The following ITPR2 variants were observed in gnomAD, a reference collection of about 807,000 sequenced individuals.
The protein encoded by ITPR2 is inositol 1,4,5-trisphosphate-gated calcium channel ITPR2.
Under a neutral mutation model 317.1 loss-of-function variants are expected in ITPR2, and 207 were observed. That is an observed-to-expected ratio of 0.65 (90% CI 0.58 to 0.73). ITPR2 has a LOEUF of 0.73. ITPR2 is among the 30% of genes least tolerant of loss of function. The probability of loss-of-function intolerance (pLI) is 0.00; values close to 1 mark genes in which losing one functional copy is unlikely to be tolerated. For synonymous variants in ITPR2, 1,156 were observed against 1,149.1 expected (o/e 1.01, Z -0.12); for missense variants, 2,613 against 3,284.0 (o/e 0.80, Z 4.99).
In ITPR2 at chr12:26,831,798, TA is replaced by T. The variant is rs1951111345; in HGVS notation, c.92+891del. On this transcript the variant is annotated intron_variant, in intron 1 of 56. Coordinates refer to ENST00000381340, the MANE Select transcript of ITPR2 (RefSeq NM_002223.4). This position sits in a 1 kb window ranked among gnomAD's most constrained non-coding sequence, Gnocchi z 4.9. ...CTACATAAAATATATAAATATATAT[TA>T]TACATAAAATATATAAATATATATT... Among the ~76,000 whole-genome samples, 1 of 126,198 alleles carries T rather than the reference TA, an allele frequency of 7.9e-6. No homozygotes were observed. Among genetic ancestry groups the T allele is most frequent in the Non-Finnish European group, 1.6e-5 (1 of 61,048 alleles). The allele number at this position is 126,198 out of a possible 152,430, so 82.8% of individuals were successfully genotyped here. A position where few individuals can be genotyped will look rare whatever the true frequency, so the allele number is the denominator to read the frequency against.
chr12:26,584,385 C>T (rs143987805), intron 32 of ITPR2, among the ~76,000 whole-genome samples: 195 of 152,280 alleles, frequency 1.3e-3, no homozygotes, highest in African/African-American at 4.4e-3. Context: ...CACCACTGGA[C>T]ATGCAGCACC....
intron 1 of ITPR2, among the ~76,000 whole-genome samples, chr12:26,817,159 C>T (rs956728308): frequency 3.3e-4 from 39 of 118,948 alleles, no homozygotes; most frequent in African/African-American, 1.1e-3. Flanking sequence ...CCAGCCTGGG[C>T]GACAGACCGA....
chr12:26,717,020 C>T (rs997060146), intron 5 of ITPR2, among the ~76,000 whole-genome samples: 1 of 152,020 alleles, frequency 6.6e-6, no homozygotes, highest in South Asian at 2.1e-4. Context: ...CAAAGTTATC[C>T]TTTCTTCATG....
chr12:26,703,479 C>T (rs1482389093), intron 9 of ITPR2, among the ~76,000 whole-genome samples: 3 of 152,140 alleles, frequency 2.0e-5, no homozygotes, highest in Non-Finnish European at 2.9e-5. Context: ...GTATCTTGAA[C>T]CCGATAATTC....
At chr12:26,443,415 T>C (rs3759117) in intron 46 of ITPR2, 128 bp downstream of exon 46, 415,238 of 581,670 alleles carry the variant, frequency 0.71, 153,473 homozygotes, top group Non-Finnish European at 0.79. Flanking sequence ...CCTTTTACTA[T>C]ACATTTTTCA....
chr12:26,674,473 T>C (rs931538523), intron 13 of ITPR2, among the ~76,000 whole-genome samples: 7 of 152,216 alleles, frequency 4.6e-5, no homozygotes, highest in African/African-American at 2.4e-5. Context: ...TAAATGGTGC[T>C]GGGAAAACTG....
intron 9 of ITPR2, among the ~76,000 whole-genome samples, chr12:26,699,658 A>C (rs897861393): frequency 2.0e-5 from 3 of 152,166 alleles, no homozygotes; most frequent in African/African-American, 7.2e-5. Context: ...ATGTGGAAGA[A>C]AAGGAAGAGG....
At chr12:26,822,687 G>A (rs76634725) in intron 1 of ITPR2, among the ~76,000 whole-genome samples, 177 of 152,210 alleles carry the variant, frequency 1.2e-3, no homozygotes, top group African/African-American at 4.0e-3. Flanking sequence ...TGGGTACTTC[G>A]CATAAATTTC....
chr12:26,484,641 C>A (rs1392385003), intron 41 of ITPR2, among the ~76,000 whole-genome samples: 1 of 152,016 alleles, frequency 6.6e-6, no homozygotes, highest in East Asian at 1.9e-4. Flanking sequence ...ATAAACATAA[C>A]CTGGCAATAA....
chr12:26,697,373 T>C lies in ITPR2; in HGVS notation c.952-1723A>G, dbSNP rs116361715. The stretch of plus-strand genomic sequence containing the variant: ...GAGTTAGAACAAGGGAGATTCCTTC[T>C]CAGAGTCTTTCTCAACATTTCCTAT... On this transcript the variant is annotated intron_variant, in intron 9 of 56. Transcript: ENST00000381340. Among the ~76,000 whole-genome samples, 312 of 152,326 alleles carry C rather than the reference T, an allele frequency of 2.0e-3. 1 individual carries two copies. The highest frequency in any genetic ancestry group is 7.2e-3 in the African/African-American group (298 of 41,568).
At chr12:26,815,226 G>A (rs559914952) in intron 1 of ITPR2, among the ~76,000 whole-genome samples, 1 of 152,164 alleles carries the variant, frequency 6.6e-6, no homozygotes, top group Non-Finnish European at 1.5e-5. Context: ...CAGCTACTCA[G>A]GAGGCTGAGG....
Position 26,833,170 on chromosome 12 carries a change from C to A in ITPR2, c.-389G>T, listed in dbSNP as rs1235751400. 4.7e-6 allele frequency: 1 copy of A among 212,538 alleles called. No homozygotes were observed. The highest frequency in any genetic ancestry group is 9.3e-6 in the Non-Finnish European group (1 of 108,008). 13.2% of individuals were successfully genotyped at this position (212,538 alleles called of 1,614,324 possible). A position where few individuals can be genotyped will look rare whatever the true frequency, so the allele number is the denominator to read the frequency against. On this transcript the variant is annotated 5_prime_UTR_variant, in exon 1 of 57. Coordinates refer to ENST00000381340, the MANE Select transcript of ITPR2 (RefSeq NM_002223.4). ...TCCCTGCTCTGCGACCCGCTGCGGC[C>A]GTCACAGCCGCCCGGCGGGAGCTGG...
At chr12:26,644,830 C>T (rs1252256578) in intron 21 of ITPR2, among the ~76,000 whole-genome samples, 2 of 152,164 alleles carry the variant, frequency 1.3e-5, no homozygotes, top group Non-Finnish European at 2.9e-5. Context: ...GCCTCCTGAA[C>T]TGTGAGAAAT....
chr12:26,515,386 T>G (rs1943458161), intron 37 of ITPR2, among the ~76,000 whole-genome samples: 1 of 152,180 alleles, frequency 6.6e-6, no homozygotes, highest in Non-Finnish European at 1.5e-5. Context: ...CCTGCTGTAA[T>G]TATTGTATTG....
At chr12:26,608,590 G>GCCC (rs1946192449) in intron 26 of ITPR2, among the ~76,000 whole-genome samples, 1 of 151,354 alleles carries the variant, frequency 6.6e-6, no homozygotes. Flanking sequence ...TAATTGAGGA[G>GCCC]CTCCTCTGCT....
intron 37 of ITPR2, among the ~76,000 whole-genome samples, chr12:26,542,109 C>T (rs1944280243): frequency 2.0e-5 from 3 of 152,160 alleles, no homozygotes. Context: ...AAGGGGCTAT[C>T]TCCAGTAGTC....
At chr12:26,350,516 C>A (rs1043556107) in intron 55 of ITPR2, among the ~76,000 whole-genome samples, 1 of 152,126 alleles carries the variant, frequency 6.6e-6, no homozygotes, top group East Asian at 1.9e-4. Context: ...TCTTCAAGAC[C>A]TACCTCTCCC....
chr12:26,560,951 A>C (rs1391135286), intron 35 of ITPR2, among the ~76,000 whole-genome samples: 2 of 152,220 alleles, frequency 1.3e-5, no homozygotes. Context: ...GATGTCTATT[A>C]TGGGCTGAAT....
At chr12:26,478,630 C>A (rs79049631) in intron 43 of ITPR2, among the ~76,000 whole-genome samples, 2,919 of 152,056 alleles carry the variant, frequency 0.019, 71 homozygotes, top group African/African-American at 0.054. Context: ...ATCTTATAAA[C>A]GGCCTAATGA....
Sources: allele counts gnomAD v4.1 joint callset (sites outside exome capture counted in the v4.1 genomes callset), GRCh38; gene constraint gnomAD v4.1.1; non-coding constraint Gnocchi (gnomAD v3.1); transcripts MANE v1.5; gene names NCBI Gene and HGNC (gene_info 2026-07-23, HGNC 2026-07-21).